The following STAU2 variants were observed in gnomAD, a reference collection of about 807,000 sequenced individuals.
STAU2 encodes double-stranded RNA-binding protein Staufen homolog 2.
Under a neutral mutation model 65.9 loss-of-function variants are expected in STAU2, and 20 were observed. That is an observed-to-expected ratio of 0.30 (90% CI 0.21 to 0.44). The LOEUF (loss-of-function observed/expected upper bound fraction) is 0.44. Ranked by LOEUF, STAU2 falls within the 20% of genes least tolerant of loss-of-function variation. The pLI, the probability that STAU2 is intolerant of heterozygous loss-of-function variation, is 1.00. For synonymous variants in STAU2, 232 were observed against 233.9 expected, an observed-to-expected ratio of 0.99 and a Z score of 0.07; for missense variants, 558 against 683.9, an observed-to-expected ratio of 0.82 and a Z score of 2.05.
chr8:73,693,130 C>T (rs1408762009), intron 4 of STAU2, among the ~76,000 whole-genome samples: 1 of 151,964 alleles, frequency 6.6e-6, no homozygotes, highest in East Asian at 1.9e-4. Flanking sequence ...AACTGCACTC[C>T]AGCCTAGGCA....
intron 7 of STAU2, 93 bp downstream of exon 7, chr8:73,617,199 C>A: frequency 6.9e-7 from 1 of 1,453,076 alleles, no homozygotes. Flanking sequence ...TCTTCCCTAT[C>A]AGAACAGATT....
chr8:73,662,078 C>T (rs180966898), intron 6 of STAU2, among the ~76,000 whole-genome samples: 2 of 152,294 alleles, frequency 1.3e-5, no homozygotes, highest in East Asian at 1.9e-4. Flanking sequence ...AGTTGCCCCA[C>T]CATGACACTA....
intron 13 of STAU2, among the ~76,000 whole-genome samples, chr8:73,427,654 C>T (rs1461862505): frequency 2.0e-5 from 3 of 152,216 alleles, no homozygotes; most frequent in African/African-American, 4.8e-5. Flanking sequence ...GTCCATCAAC[C>T]GGGGCCCACT....
intron 5 of STAU2, among the ~76,000 whole-genome samples, chr8:73,684,585 C>A (rs1818660918): frequency 6.6e-6 from 1 of 152,040 alleles, no homozygotes; most frequent in Non-Finnish European, 1.5e-5. Flanking sequence ...AAAGCAAATG[C>A]AACAAAAACA....
rs377702169 is a variant in STAU2 at position 73,552,333 on chromosome 8, G to T, written c.1223-14C>A. On this transcript the variant is annotated splice_polypyrimidine_tract_variant and intron_variant, in intron 12 of 14. Coordinates refer to ENST00000524300, the MANE Select transcript of STAU2 (RefSeq NM_001164380.2). ...TTCCTTTTGGAGCTATAAATAAAAT[G>T]AAGAACACTGTTATTACACTTAAAA... The T allele has an allele frequency of 1.2e-5, 19 of 1,601,170 alleles. No homozygotes were observed. The highest frequency in any genetic ancestry group is 1.6e-5 in the Non-Finnish European group (19 of 1,173,130).
rs938738243 is a variant in STAU2, at chr8:73,481,742, T to A, written c.1531-59040A>T. On this transcript the variant is annotated intron_variant, in intron 13 of 14. Transcript: ENST00000524300. The stretch of plus-strand genomic sequence containing the variant: ...CATTGCTTTGAATTTTTAGCTGTGA[T>A]TCTTAAAGGTAGGAAATACTGCTTG... 3.9e-5 allele frequency among the ~76,000 whole-genome samples: 6 copies of A among 152,270 alleles called. No individual in the cohort carries two copies. The South Asian group carries it at 6.2e-4, about 16-fold the overall frequency.
intron 3 of STAU2, among the ~76,000 whole-genome samples, chr8:73,725,783 A>G (rs1357036289): frequency 6.6e-6 from 1 of 152,148 alleles, no homozygotes; most frequent in Non-Finnish European, 1.5e-5. Flanking sequence ...ATATATAAAA[A>G]TTAGCCGGAT....
At chr8:73,471,840 G>GAGAAGA (rs1554594422) in intron 13 of STAU2, among the ~76,000 whole-genome samples, 18 of 96,240 alleles carry the variant, frequency 1.9e-4, no homozygotes, top group African/African-American at 7.0e-4. Context: ...AAAAAAAAGA[G>GAGAAGA]AGAAGAAGGA....
At chr8:73,537,610 G>C (rs998959182) in intron 13 of STAU2, among the ~76,000 whole-genome samples, 3 of 152,092 alleles carry the variant, frequency 2.0e-5, no homozygotes, top group Admixed American at 6.5e-5. Flanking sequence ...TTTATATCTA[G>C]AAAAAATATC....
At chr8:73,548,108 T>A (rs1038561026) in intron 13 of STAU2, among the ~76,000 whole-genome samples, 17 of 152,108 alleles carry the variant, frequency 1.1e-4, no homozygotes, top group Non-Finnish European at 2.9e-5. Context: ...CTAGAACCAA[T>A]CCTTCCTGCA....
intron 13 of STAU2, among the ~76,000 whole-genome samples, chr8:73,460,373 TG>T (rs1189647660): frequency 3.9e-5 from 6 of 152,144 alleles, no homozygotes; most frequent in South Asian, 2.1e-4. Flanking sequence ...ATTCAATACT[TG>T]GGGGCTCTTA....
intron 13 of STAU2, among the ~76,000 whole-genome samples, chr8:73,532,694 T>C (rs2128933852): frequency 6.6e-6 from 1 of 152,258 alleles, no homozygotes; most frequent in South Asian, 2.1e-4. Flanking sequence ...ACATTTACCA[T>C]CTATTCTCTC....
intron 13 of STAU2, among the ~76,000 whole-genome samples, chr8:73,479,537 CAT>C (rs1229347061): frequency 6.7e-6 from 1 of 148,494 alleles, no homozygotes; most frequent in Non-Finnish European, 1.5e-5. Context: ...ACTTGTGCTA[CAT>C]GTTAGGCTGT....
intron 2 of STAU2, among the ~76,000 whole-genome samples, chr8:73,739,323 T>C (rs969780654): frequency 2.0e-5 from 3 of 151,846 alleles, no homozygotes; most frequent in African/African-American, 7.2e-5. Context: ...TCATGGGATC[T>C]TGTAATGAAA....
At chr8:73,615,884 A>C in intron 7 of STAU2, 102 bp from the exon 8 acceptor site, 3 of 841,552 alleles carry the variant, frequency 3.6e-6, no homozygotes, top group Non-Finnish European at 5.8e-6. Flanking sequence ...AGAAGAAACA[A>C]CAAACTATAT....
intron 13 of STAU2, among the ~76,000 whole-genome samples, chr8:73,519,341 G>A (rs888773896): frequency 1.3e-5 from 2 of 152,092 alleles, no homozygotes; most frequent in East Asian, 1.9e-4. Context: ...AACCTATGAC[G>A]TCTCTTTAGA....
chr8:73,603,857 G>T lies in STAU2; in HGVS notation c.898C>A (p.Pro300Thr). The change falls in exon 10 of 15, where the codon CCA becomes ACA. Residue 300 changes from proline (P) to threonine (T), a missense_variant. Pro to Thr is a conservative substitution (Grantham distance 38). Coordinates refer to ENST00000524300, the MANE Select transcript of STAU2 (RefSeq NM_001164380.2). ...KRPKTIVKAG[P>T]EYGQGMNPIS... ...GGGTTCATCCCTTGGCCATATTCTG[G>T]TCCGGCCTAAAAATTAATTTAAGAA... 6.3e-7 allele frequency: 1 copy of T among 1,585,820 alleles called. No homozygotes were observed.
chr8:73,624,411 G>GC (rs1813491063), intron 6 of STAU2, among the ~76,000 whole-genome samples: 1 of 152,044 alleles, frequency 6.6e-6, no homozygotes, highest in Non-Finnish European at 1.5e-5. Context: ...ACTTGTTCTT[G>GC]CCCCTTCTCT....
At chr8:73,735,672 A>G (rs1806383587) in intron 3 of STAU2, among the ~76,000 whole-genome samples, 1 of 152,220 alleles carries the variant, frequency 6.6e-6, no homozygotes, top group African/African-American at 2.4e-5. Context: ...CTCAACCTGT[A>G]CAATTTAAGT....
Sources: gnomAD v4.1 joint callset for allele counts (sites outside exome capture counted in the v4.1 genomes callset) on GRCh38, gnomAD v4.1.1 for gene constraint, MANE v1.5 for transcripts, NCBI Gene and HGNC (gene_info 2026-07-23, HGNC 2026-07-21) for gene names.